Variants in TTLL6 observed in about 807,000 individuals in gnomAD.
TTLL6 encodes tubulin tyrosine ligase like 6.
Under a neutral mutation model 96.4 loss-of-function variants are expected in TTLL6, and 75 were observed. The ratio of observed to expected loss-of-function variants is 0.78; its 90% CI spans 0.65 to 0.94. The LOEUF (loss-of-function observed/expected upper bound fraction) is 0.94, where lower values mean the gene tolerates loss of function less well. TTLL6 is among the 40% of genes least tolerant of loss of function. The pLI is 0.00. For missense variants in TTLL6, 1,030 were observed against 1,093.0 expected, an observed-to-expected ratio of 0.94 and a Z score of 0.81; for synonymous variants, 411 against 419.4, an observed-to-expected ratio of 0.98 and a Z score of 0.24.
At chr17:48,805,072 C>T (rs1276518627) in intron 1 of TTLL6, 81 bp from the exon 2 acceptor site, 1 of 1,142,488 alleles carries the variant, frequency 8.8e-7, no homozygotes, top group Non-Finnish European at 1.3e-6. Flanking sequence ...TGGGTAGAGA[C>T]CCAGGGTTCT....
intron 1 of TTLL6, among the ~76,000 whole-genome samples, chr17:48,806,821 A>C (rs990154822): frequency 6.6e-6 from 1 of 152,032 alleles, no homozygotes; most frequent in Non-Finnish European, 1.5e-5. Flanking sequence ...ACTTGAGGTC[A>C]GAAGTTCGAG....
Position 48,803,890 on chromosome 17 carries a change from C to G in TTLL6, c.361+1G>C, listed in dbSNP as rs766844413. 6.4e-7 allele frequency: 1 copy of G among 1,552,024 alleles called. No homozygotes were observed. Among genetic ancestry groups the G allele is most frequent in the Non-Finnish European group, 8.7e-7 (1 of 1,147,060 alleles). Reference sequence around the variant, plus strand: ...TAGATCTCCTGAATGTAGATGCTCACCACTCTCATACCGGCAGCTGGATAG... The same window carrying G: ...TAGATCTCCTGAATGTAGATGCTCAGCACTCTCATACCGGCAGCTGGATAG... On this transcript the variant is annotated splice_donor_variant, in intron 3 of 15. Transcript: ENST00000393382. LOFTEE classifies it high-confidence loss of function.
At chr17:48,768,079 A>G (rs950237059) in intron 15 of TTLL6, among the ~76,000 whole-genome samples, 1 of 152,104 alleles carries the variant, frequency 6.6e-6, no homozygotes, top group South Asian at 2.1e-4. Context: ...CCAGAAATAT[A>G]TTAATACATA....
chr17:48,784,039 A>C (rs1411951338), intron 13 of TTLL6, among the ~76,000 whole-genome samples: 1 of 152,174 alleles, frequency 6.6e-6, no homozygotes, highest in Non-Finnish European at 1.5e-5. Context: ...TGCAGTTATG[A>C]TTAGTCAAAG....
intron 8 of TTLL6, among the ~76,000 whole-genome samples, chr17:48,794,547 C>T (rs923914207): frequency 3.3e-5 from 5 of 152,186 alleles, no homozygotes; most frequent in African/African-American, 7.2e-5. Context: ...GTGCCACGCT[C>T]AGAACGCAGC....
intron 8 of TTLL6, among the ~76,000 whole-genome samples, chr17:48,795,147 G>C (rs2039295321): frequency 6.6e-6 from 1 of 152,080 alleles, no homozygotes. Flanking sequence ...CCAATATGCT[G>C]AAACCCTGTC....
At chr17:48,785,269 G>T (rs2039068665) in intron 12 of TTLL6, 68 bp from the exon 13 acceptor site, 4 of 1,598,692 alleles carry the variant, frequency 2.5e-6, no homozygotes, top group Non-Finnish European at 3.4e-6. Context: ...AGATTCATCT[G>T]CACCCAGGGG....
At chr17:48,798,440 G>A (rs1201478626) in intron 6 of TTLL6, among the ~76,000 whole-genome samples, 2 of 152,070 alleles carry the variant, frequency 1.3e-5, no homozygotes, top group Non-Finnish European at 1.5e-5. Context: ...GCTGGTGGGT[G>A]CCTGTAATCC....
At chr17:48,803,036 G>A (rs2039450691) in intron 3 of TTLL6, among the ~76,000 whole-genome samples, 1 of 151,932 alleles carries the variant, frequency 6.6e-6, no homozygotes, top group Non-Finnish European at 1.5e-5. Flanking sequence ...TGGGCGAGGT[G>A]GTGCATGCCT....
chr17:48,804,188 C>A, intron 2 of TTLL6: 1 of 575,588 alleles, frequency 1.7e-6, no homozygotes. Flanking sequence ...TTGCTTGCAG[C>A]TTCTCACTAA....
intron 3 of TTLL6, among the ~76,000 whole-genome samples, chr17:48,803,031 G>A (rs2039450588): frequency 1.3e-5 from 2 of 151,658 alleles, no homozygotes; most frequent in South Asian, 4.2e-4. Flanking sequence ...TTAGCTGGGC[G>A]AGGTGGTGCA....
At position 48,810,823 on chromosome 17, in the gene TTLL6, GTGTATATATA is replaced by G. The variant is rs1160730730; in HGVS notation, c.104-5842_104-5833del. Among the ~76,000 whole-genome samples the G allele has an allele frequency of 4.0e-4, 26 of 65,798 alleles. 1 individual carries two copies. The highest frequency in any genetic ancestry group is 1.4e-3 in the African/African-American group (23 of 16,646). The allele number at this position is 65,798 out of a possible 152,430, so 43.2% of individuals were successfully genotyped here. On this transcript the variant is annotated intron_variant, in intron 1 of 15. Coordinates refer to ENST00000393382, the MANE Select transcript of TTLL6 (RefSeq NM_001130918.3). ...ATATATACACATATATAGTATGTGTGTGTATATATATATATATATATATATATATATAGTA... is the reference window on the plus strand; with the variant it reads ...ATATATACACATATATAGTATGTGTGTATATATATATATATATATATAGTA...
intron 2 of TTLL6, chr17:48,804,218 T>C (rs2039469300): frequency 1.8e-6 from 1 of 562,316 alleles, no homozygotes; most frequent in Admixed American, 2.4e-5. Context: ...CTCAAGCCTT[T>C]TACTCCACTG....
intron 13 of TTLL6, among the ~76,000 whole-genome samples, chr17:48,771,590 C>T (rs540455293): frequency 6.6e-6 from 1 of 151,824 alleles, no homozygotes; most frequent in East Asian, 1.9e-4. Flanking sequence ...TATGATCACA[C>T]CACTTCACTC....
rs185949702 is a variant in TTLL6, at chr17:48,790,287, T to C, written c.1225-181A>G. ...CAGTGAAAAAAGGAGGCAGCAGAAC[T>C]CCCTCTAGTTAAACCAGCTTTTATC... On this transcript the variant is annotated intron_variant, in intron 9 of 15. Coordinates refer to ENST00000393382, the MANE Select transcript of TTLL6 (RefSeq NM_001130918.3). Among the ~76,000 whole-genome samples the C allele has an allele frequency of 4.4e-3, 676 of 152,322 alleles. 3 individuals are homozygous for C. Among genetic ancestry groups the C allele is most frequent in the Non-Finnish European group, 7.2e-3 (487 of 68,026 alleles).
rs2039184264 is a variant in TTLL6, at chr17:48,789,914, G to T, written c.1400+17C>A. The T allele has an allele frequency of 6.2e-7, 1 of 1,612,918 alleles. No homozygotes were observed. The highest frequency in any genetic ancestry group is 1.1e-5 in the South Asian group (1 of 90,938). On this transcript the variant is annotated intron_variant, in intron 10 of 15. Coordinates refer to ENST00000393382, the MANE Select transcript of TTLL6 (RefSeq NM_001130918.3). ...GTCAGAGAGAGAGCCCCGCAAGGCT[G>T]GGGAGTGCGAATGTACCTCATCTCC... is the stretch of plus-strand genomic sequence containing the variant.
chr17:48,775,762 A>C (rs956469881), intron 13 of TTLL6, among the ~76,000 whole-genome samples: 1 of 151,492 alleles, frequency 6.6e-6, no homozygotes, highest in African/African-American at 2.4e-5. Context: ...GCTAGTCTCG[A>C]CCTCCCAACC....
intron 9 of TTLL6, among the ~76,000 whole-genome samples, chr17:48,790,685 C>A (rs2039201197): frequency 6.6e-6 from 1 of 152,164 alleles, no homozygotes; most frequent in African/African-American, 2.4e-5. Context: ...TCCCACCACA[C>A]CTACAAGGGC....
chr17:48,814,009 G>A (rs1273226632), intron 1 of TTLL6, among the ~76,000 whole-genome samples: 2 of 152,104 alleles, frequency 1.3e-5, no homozygotes, highest in African/African-American at 4.8e-5. Flanking sequence ...AGTGGACTAA[G>A]TGCTTTAGAG....
Sources: gnomAD v4.1 joint callset for allele counts (sites outside exome capture counted in the v4.1 genomes callset) on GRCh38, gnomAD v4.1.1 for gene constraint, MANE v1.5 for transcripts, NCBI Gene and HGNC (gene_info 2026-07-23, HGNC 2026-07-21) for gene names.